Variants in RCAN2 observed in about 807,000 individuals in gnomAD.
The protein encoded by RCAN2 is calcipressin-2.
A neutral mutation model predicts 23.6 loss-of-function variants in RCAN2; 9 were observed. The ratio of observed to expected loss-of-function variants is 0.38; its 90% CI spans 0.23 to 0.67. RCAN2 has a LOEUF of 0.67. Among genes scored for constraint, RCAN2 ranks in the 30% least tolerant of loss-of-function variants. RCAN2 has a pLI of 0.51. For synonymous variants in RCAN2, 109 were observed against 115.7 expected (o/e 0.94, Z 0.37); for missense variants, 273 against 302.3 (o/e 0.90, Z 0.72).
chr6:46,221,940 C>T lies in RCAN2; in HGVS notation c.*1201G>A, dbSNP rs374723737. ...ATAACTTTTTTGAGCACACGGGTGT[C>T]GCGTGAGTAGGACCGGCATACATGT... On this transcript the variant is annotated 3_prime_UTR_variant, in exon 5 of 5. Coordinates refer to ENST00000371374, the MANE Select transcript of RCAN2 (RefSeq NM_001251974.2). 1.4e-4 allele frequency: 55 copies of T among 398,516 alleles called. No homozygotes were observed. The highest frequency in any genetic ancestry group is 1.1e-3 in the East Asian group (30 of 28,084). The allele number at this position is 398,516 out of a possible 1,614,324, so 24.7% of individuals were successfully genotyped here.
chr6:46,277,787 A>C (rs1767766218), intron 2 of RCAN2, among the ~76,000 whole-genome samples: 1 of 151,890 alleles, frequency 6.6e-6, no homozygotes, highest in Admixed American at 6.6e-5. Flanking sequence ...TATTTAATCT[A>C]TTTCTGTCTT....
intron 1 of RCAN2, among the ~76,000 whole-genome samples, chr6:46,485,908 A>C (rs1768978725): frequency 6.6e-6 from 1 of 152,168 alleles, no homozygotes; most frequent in Non-Finnish European, 1.5e-5. Flanking sequence ...ATTTGTACCA[A>C]AGAACAGGGC....
intron 2 of RCAN2, among the ~76,000 whole-genome samples, chr6:46,384,567 GAAGGGAACTGGGGTTA>G (rs1166180339): frequency 6.6e-6 from 1 of 152,162 alleles, no homozygotes; most frequent in Non-Finnish European, 1.5e-5. Context: ...ATTTTCTAGA[GAAGGGAACTGGGGTTA>G]AAGAGGCTAA....
At chr6:46,487,647 T>C (rs1769032524) in intron 1 of RCAN2, among the ~76,000 whole-genome samples, 1 of 152,194 alleles carries the variant, frequency 6.6e-6, no homozygotes, top group Non-Finnish European at 1.5e-5. Context: ...AAGCAACATG[T>C]CTAAAGAAAA....
At chr6:46,284,255 C>A (rs946575913) in intron 2 of RCAN2, among the ~76,000 whole-genome samples, 1 of 151,982 alleles carries the variant, frequency 6.6e-6, no homozygotes, top group African/African-American at 2.4e-5. Context: ...AAAGGTGGCT[C>A]TTAGGTTGGA....
At chr6:46,322,530 T>C (rs1276812491) in intron 2 of RCAN2, among the ~76,000 whole-genome samples, 3 of 152,220 alleles carry the variant, frequency 2.0e-5, no homozygotes. Flanking sequence ...TGTGTCACTA[T>C]GGGAAACTAG....
chr6:46,490,501 C>T (rs1449681612), intron 1 of RCAN2, among the ~76,000 whole-genome samples: 1 of 152,212 alleles, frequency 6.6e-6, no homozygotes, highest in African/African-American at 2.4e-5. Context: ...GACCTGGAGG[C>T]GGCCGAGGGA....
intron 2 of RCAN2, among the ~76,000 whole-genome samples, chr6:46,349,334 C>G (rs1764578989): frequency 6.6e-6 from 1 of 152,060 alleles, no homozygotes; most frequent in Non-Finnish European, 1.5e-5. Context: ...CATGTTCTCA[C>G]TCTTAAGTGG....
chr6:46,285,765 T>A lies in RCAN2; in HGVS notation c.226-36869A>T, dbSNP rs572629389. Among the ~76,000 whole-genome samples, 10 of 152,346 alleles carry A rather than the reference T, an allele frequency of 6.6e-5. No individual in the cohort carries two copies. In the East Asian group the frequency reaches 1.9e-3, roughly 29 times the overall value. ...CTTGTCTAATGTTACTGGAATCTTTTTTCAATTTTAATTTTAAGTTCTAGG... is the reference window on the plus strand; with the variant it reads ...CTTGTCTAATGTTACTGGAATCTTTATTCAATTTTAATTTTAAGTTCTAGG... On this transcript the variant is annotated intron_variant, in intron 2 of 4. Transcript: ENST00000371374.
At chr6:46,268,314 C>T (rs1767409067) in intron 2 of RCAN2, among the ~76,000 whole-genome samples, 1 of 152,140 alleles carries the variant, frequency 6.6e-6, no homozygotes, top group Non-Finnish European at 1.5e-5. Flanking sequence ...ATTGAACTTC[C>T]AGGTTCCTAA....
intron 2 of RCAN2, among the ~76,000 whole-genome samples, chr6:46,315,671 G>A (rs187614924): frequency 1.1e-4 from 17 of 152,222 alleles, no homozygotes; most frequent in South Asian, 8.3e-4. Flanking sequence ...TGTGATAGGA[G>A]CCACGGAGTC....
In RCAN2 at chr6:46,281,007, G is replaced by A. The variant is rs115365259; in HGVS notation, c.226-32111C>T. ...CAGTACAGTTCTAGAGTACGCATTAGCCATACCCCTATGGCAGAGGCCAAT... is the reference window on the plus strand; with the variant it reads ...CAGTACAGTTCTAGAGTACGCATTAACCATACCCCTATGGCAGAGGCCAAT... On this transcript the variant is annotated intron_variant, in intron 2 of 4. Transcript: ENST00000371374. Among the ~76,000 whole-genome samples the A allele has an allele frequency of 5.2e-3, 797 of 152,274 alleles. 5 individuals carry two copies. The highest frequency in any genetic ancestry group is 0.018 in the African/African-American group (734 of 41,532).
At chr6:46,263,539 A>ATGTGTGTG (rs59953064) in intron 2 of RCAN2, among the ~76,000 whole-genome samples, 1 of 82,378 alleles carries the variant, frequency 1.2e-5, no homozygotes. Context: ...GTGTGTGTGT[A>ATGTGTGTG]TGTGTGTGTG....
chr6:46,491,761 C>T (rs1017541990), upstream of RCAN2: 2 of 152,304 alleles, frequency 1.3e-5, no homozygotes, highest in Admixed American at 1.3e-4. Context: ...GGAAGAGGCT[C>T]CTCGGGGTCC....
intron 2 of RCAN2, among the ~76,000 whole-genome samples, chr6:46,317,083 C>A (rs1582097639): frequency 6.6e-6 from 1 of 152,164 alleles, no homozygotes; most frequent in South Asian, 2.1e-4. Flanking sequence ...TTATCCCTCA[C>A]TGAGTCAATG....
chr6:46,348,657 G>C (rs940403600), intron 2 of RCAN2, among the ~76,000 whole-genome samples: 6 of 152,050 alleles, frequency 3.9e-5, no homozygotes, highest in Non-Finnish European at 8.8e-5. Context: ...ACTATATCTG[G>C]GTTCTAATTT....
chr6:46,312,313 T>C (rs1332598300), intron 2 of RCAN2, among the ~76,000 whole-genome samples: 1 of 152,214 alleles, frequency 6.6e-6, no homozygotes, highest in African/African-American at 2.4e-5. Context: ...TGTATGTGCA[T>C]GTGTATTTGC....
chr6:46,266,909 G>T (rs1767349057), intron 2 of RCAN2, among the ~76,000 whole-genome samples: 1 of 149,030 alleles, frequency 6.7e-6, no homozygotes. Context: ...CATAAATGTA[G>T]GCACACACAA....
At chr6:46,329,390 T>C (rs7769394) in intron 2 of RCAN2, among the ~76,000 whole-genome samples, 2,476 of 152,302 alleles carry the variant, frequency 0.016, 56 homozygotes, top group African/African-American at 0.057. Flanking sequence ...GTTCATTTAT[T>C]TCTTTATGTG....
Sources: gnomAD v4.1 joint callset for allele counts (sites outside exome capture counted in the v4.1 genomes callset) on GRCh38, gnomAD v4.1.1 for gene constraint, MANE v1.5 for transcripts, NCBI Gene and HGNC (gene_info 2026-07-23, HGNC 2026-07-21) for gene names.